ABLIM1: variants seen among roughly 807,000 people sequenced by gnomAD.
ABLIM1 encodes the protein actin-binding LIM protein 1.
In ABLIM1, 40 loss-of-function variants were observed where a neutral mutation model predicts 107.0. That is an observed-to-expected ratio of 0.37 (90% CI 0.29 to 0.49). ABLIM1 has a LOEUF of 0.49. ABLIM1 is among the 20% of genes least tolerant of loss of function. ABLIM1 has a pLI of 0.97. For synonymous variants in ABLIM1, 357 were observed against 357.3 expected (o/e 1.00, Z 0.01); for missense variants, 857 against 1,008.5 (o/e 0.85, Z 2.04).
At position 114,468,174 on chromosome 10, in the gene ABLIM1, T is replaced by A. The variant is rs1443181238; in HGVS notation, c.1311+7A>T. ...CCATTAAAATGATAAAAAGAAATGG[T>A]ACTTACTTCTGCTGATGGAGTAGGA... On this transcript the variant is annotated splice_region_variant and intron_variant, in intron 11 of 22. Transcript: ENST00000533213. The A allele has an allele frequency of 6.2e-7, 1 of 1,611,532 alleles. No homozygotes were observed. The highest frequency in any genetic ancestry group is 8.5e-7 in the Non-Finnish European group (1 of 1,177,736).
At chr10:114,571,647 AT>A (rs1271439566) in intron 3 of ABLIM1, among the ~76,000 whole-genome samples, 1 of 152,180 alleles carries the variant, frequency 6.6e-6, no homozygotes, top group Non-Finnish European at 1.5e-5. Context: ...GTAAAATGGA[AT>A]GATTTACCTC....
chr10:114,725,651 T>C (rs1273419960), intron 1 of ABLIM1, among the ~76,000 whole-genome samples: 1 of 151,970 alleles, frequency 6.6e-6, no homozygotes, highest in Non-Finnish European at 1.5e-5. Flanking sequence ...GGGAGCTATG[T>C]AGGTATCAGG....
chr10:114,452,261 G>C (rs1036391967), intron 13 of ABLIM1, among the ~76,000 whole-genome samples: 7 of 152,166 alleles, frequency 4.6e-5, no homozygotes, highest in African/African-American at 1.7e-4. Context: ...AAAAAGAAAA[G>C]AGATGCTAAA....
chr10:114,603,277 T>A (rs1436561908), intron 1 of ABLIM1, among the ~76,000 whole-genome samples: 1 of 152,200 alleles, frequency 6.6e-6, no homozygotes, highest in East Asian at 1.9e-4. Context: ...CTCAGCAGTG[T>A]TCTCATTTTG....
At position 114,466,644 on chromosome 10, in the gene ABLIM1, T is replaced by C. The variant is rs948636441; in HGVS notation, c.1312-817A>G. On this transcript the variant is annotated intron_variant, in intron 11 of 22. Coordinates refer to ENST00000533213, the MANE Select transcript of ABLIM1 (RefSeq NM_002313.7). ...CAACCAAACTGTACTGTCTACGACA[T>C]TGATCTGGTGGCATTTTAAATAAAT... is the stretch of plus-strand genomic sequence containing the variant. 2.6e-5 allele frequency among the ~76,000 whole-genome samples: 4 copies of C among 152,186 alleles called. No individual in the cohort carries two copies. The East Asian group carries it at 5.8e-4, about 22-fold the overall frequency.
At chr10:114,700,640 T>C (rs563559224) in intron 1 of ABLIM1, among the ~76,000 whole-genome samples, 3 of 152,132 alleles carry the variant, frequency 2.0e-5, no homozygotes, top group Admixed American at 2.0e-4. Flanking sequence ...TCTACACTTA[T>C]AAATGATTGA....
the ABLIM1 span, among the ~76,000 whole-genome samples, chr10:114,792,563 T>A: frequency 1.3e-5 from 2 of 152,182 alleles, no homozygotes; most frequent in African/African-American, 2.4e-5. Flanking sequence ...TGGACACCAC[T>A]GCTTTGTGGT....
rs1042241420 is a variant in ABLIM1, at chr10:114,433,221, A to G, written c.*3039T>C. ...GTGTTAATAACTGGAATTTTCATGT[A>G]TAGTACAGGGTAGGGTAAAAGCAGA... On this transcript the variant is annotated 3_prime_UTR_variant, in exon 23 of 23. Transcript: ENST00000533213. 6.6e-6 allele frequency: 1 copy of G among 152,204 alleles called. No individual in the cohort carries two copies. Among genetic ancestry groups the G allele is most frequent in the South Asian group, 2.1e-4 (1 of 4,822 alleles). 9.4% of individuals were successfully genotyped at this position (152,204 alleles called of 1,614,324 possible).
chr10:114,540,814 A>T (rs544362644), intron 6 of ABLIM1, among the ~76,000 whole-genome samples: 7 of 152,232 alleles, frequency 4.6e-5, no homozygotes, highest in African/African-American at 1.7e-4. Flanking sequence ...CCTCGCTGGG[A>T]TGATACGTGC....
At chr10:114,651,403 G>T (rs2079234035) in intron 1 of ABLIM1, among the ~76,000 whole-genome samples, 1 of 152,184 alleles carries the variant, frequency 6.6e-6, no homozygotes, top group Non-Finnish European at 1.5e-5. Flanking sequence ...GATCAGGCCG[G>T]CCCAGAGGAG....
At chr10:114,786,016 A>C in the ABLIM1 span, among the ~76,000 whole-genome samples, 1 of 152,234 alleles carries the variant, frequency 6.6e-6, no homozygotes, top group African/African-American at 2.4e-5. Context: ...GGCATGAGCC[A>C]CCGCACCTGG....
At chr10:114,614,840 G>T (rs1344425320) in intron 1 of ABLIM1, among the ~76,000 whole-genome samples, 10 of 151,996 alleles carry the variant, frequency 6.6e-5, no homozygotes, top group Non-Finnish European at 1.5e-4. Context: ...GATCACCCGA[G>T]GTTGGGACGA....
upstream of ABLIM1, among the ~76,000 whole-genome samples, chr10:114,769,358 A>AAAAG (rs201462629): frequency 6.7e-6 from 1 of 149,640 alleles, no homozygotes; most frequent in Non-Finnish European, 1.5e-5. Context: ...GAAAGAAAGA[A>AAAAG]AAAGAAAGAA....
intron 6 of ABLIM1, among the ~76,000 whole-genome samples, chr10:114,498,822 A>G (rs1677365633): frequency 6.6e-6 from 1 of 152,242 alleles, no homozygotes; most frequent in African/African-American, 2.4e-5. Context: ...ATAGGCTGCC[A>G]AAGTCTCACT....
At chr10:114,749,145 G>A (rs904428719) in intron 1 of ABLIM1, among the ~76,000 whole-genome samples, 2 of 152,104 alleles carry the variant, frequency 1.3e-5, no homozygotes, top group Non-Finnish European at 2.9e-5. Context: ...CAGACACCTT[G>A]CTTTCTAAAC....
At chr10:114,740,522 C>T (rs577942719) in intron 1 of ABLIM1, among the ~76,000 whole-genome samples, 1 of 152,014 alleles carries the variant, frequency 6.6e-6, no homozygotes, top group South Asian at 2.1e-4. Flanking sequence ...TTCACATCCT[C>T]CTAGGGGACT....
At chr10:114,740,956 C>T (rs1201846735) in intron 1 of ABLIM1, among the ~76,000 whole-genome samples, 1 of 151,134 alleles carries the variant, frequency 6.6e-6, no homozygotes, top group Admixed American at 6.6e-5. Flanking sequence ...TAGCTTGAAC[C>T]TAGGAAGCGG....
intron 10 of ABLIM1, among the ~76,000 whole-genome samples, chr10:114,468,422 C>CTTAT: frequency 6.6e-6 from 1 of 151,966 alleles, no homozygotes; most frequent in East Asian, 2.0e-4. Flanking sequence ...CTACAGGCGC[C>CTTAT]GCCACCACCC....
At chr10:114,644,306 A>AAAAAAAATAT (rs1408072252) in intron 1 of ABLIM1, among the ~76,000 whole-genome samples, 33 of 52,248 alleles carry the variant, frequency 6.3e-4, no homozygotes, top group Non-Finnish European at 9.1e-4. Flanking sequence ...AAAAAAAAAA[A>AAAAAAAATAT]ATATATATAT....
Sources: gnomAD v4.1 joint callset for allele counts (sites outside exome capture counted in the v4.1 genomes callset) on GRCh38, gnomAD v4.1.1 for gene constraint, MANE v1.5 for transcripts, NCBI Gene and HGNC (gene_info 2026-07-23, HGNC 2026-07-21) for gene names.